Variants in FAM227A observed in about 807,000 individuals in gnomAD.
FAM227A encodes protein FAM227A.
A neutral mutation model predicts 74.7 loss-of-function variants in FAM227A; 80 were observed. The ratio of observed to expected loss-of-function variants is 1.07; its 90% CI spans 0.89 to 1.29. FAM227A has a LOEUF of 1.29. Among genes scored for constraint, FAM227A ranks in the 50% most tolerant of loss-of-function variants. FAM227A has a pLI of 0.00. For missense variants in FAM227A, 654 were observed against 683.4 expected, an observed-to-expected ratio of 0.96 and a Z score of 0.48; for synonymous variants, 237 against 241.8, an observed-to-expected ratio of 0.98 and a Z score of 0.19.
intron 11 of FAM227A, among the ~76,000 whole-genome samples, chr22:38,614,410 C>G (rs762468375): frequency 5.3e-5 from 8 of 152,142 alleles, no homozygotes; most frequent in Non-Finnish European, 8.8e-5. Context: ...TGGTTAGATA[C>G]TTTTGCATTT....
intron 11 of FAM227A, among the ~76,000 whole-genome samples, chr22:38,612,565 G>A (rs1360308921): frequency 6.6e-6 from 1 of 152,068 alleles, no homozygotes; most frequent in Admixed American, 6.6e-5. Flanking sequence ...CCACATATGT[G>A]AAACCCATCC....
At chr22:38,642,510 AATG>A (rs2092138709) in intron 3 of FAM227A, among the ~76,000 whole-genome samples, 8 of 152,216 alleles carry the variant, frequency 5.3e-5, no homozygotes, top group Admixed American at 5.2e-4. Context: ...CCATGAAGGA[AATG>A]ATAAGTTAGA....
At chr22:38,619,168 T>A (rs2091635645) in intron 11 of FAM227A, among the ~76,000 whole-genome samples, 1 of 151,584 alleles carries the variant, frequency 6.6e-6, no homozygotes, top group Non-Finnish European at 1.5e-5. Flanking sequence ...ATAAAAGAAG[T>A]CCCCTGAGGC....
chr22:38,624,101 G>A (rs2091747271), intron 9 of FAM227A, among the ~76,000 whole-genome samples: 1 of 152,134 alleles, frequency 6.6e-6, no homozygotes, highest in South Asian at 2.1e-4. Flanking sequence ...ACCCAGCTTT[G>A]GAGTGGCACA....
chr22:38,654,877 G>A (rs1457772373), intron 1 of FAM227A, among the ~76,000 whole-genome samples: 1 of 151,638 alleles, frequency 6.6e-6, no homozygotes, highest in African/African-American at 2.4e-5. Context: ...GAACCCAGGA[G>A]GCGGAGCTTG....
chr22:38,607,490 G>A lies in FAM227A; in HGVS notation c.1039-14C>T, dbSNP rs5757169. The A allele has an allele frequency of 0.32, 489,110 of 1,505,166 alleles. 80,530 individuals carry two copies. Among genetic ancestry groups the A allele is most frequent in the East Asian group, 0.49 (20,007 of 40,706 alleles). The allele number at this position is 1,505,166 out of a possible 1,614,324, so 93.2% of individuals were successfully genotyped here. On this transcript the variant is annotated splice_polypyrimidine_tract_variant and intron_variant, in intron 11 of 16. Coordinates refer to ENST00000535113, the MANE Select transcript of FAM227A (RefSeq NM_001013647.2). The stretch of plus-strand genomic sequence containing the variant: ...TGCACTAGAAGACTTCAGGAGACAA[G>A]AGAGAGAAAGAGAGGGAGAAAGCGA...
At chr22:38,611,176 T>G (rs1429792790) in intron 11 of FAM227A, among the ~76,000 whole-genome samples, 1 of 152,180 alleles carries the variant, frequency 6.6e-6, no homozygotes, top group Non-Finnish European at 1.5e-5. Context: ...CCAAGACTGT[T>G]CTGAGACCCC....
At position 38,654,579 on chromosome 22, in the gene FAM227A, G is replaced by A. The variant is rs550057653; in HGVS notation, c.-95+1541C>T. On this transcript the variant is annotated intron_variant, in intron 1 of 16. Transcript: ENST00000535113. Reference sequence around the variant, plus strand: ...ACCTGTAATCCCAATACTTTGGGAGGTGGGGATGATGTCACTGCACTCCAG... The same window carrying A: ...ACCTGTAATCCCAATACTTTGGGAGATGGGGATGATGTCACTGCACTCCAG... Among the ~76,000 whole-genome samples the A allele has an allele frequency of 2.6e-5, 4 of 151,526 alleles. No homozygotes were observed. The South Asian group carries it at 6.3e-4, about 24-fold the overall frequency.
In FAM227A at chr22:38,582,880, G is replaced by C. The variant is rs915290742; in HGVS notation, c.*3245C>G. 7 of 1,550,394 alleles carry C rather than the reference G, an allele frequency of 4.5e-6. No homozygotes were observed. Among genetic ancestry groups the C allele is most frequent in the Non-Finnish European group, 6.1e-6 (7 of 1,147,002 alleles). On this transcript the variant is annotated 3_prime_UTR_variant, in exon 17 of 17. Transcript: ENST00000535113. ...TGCCTACCTTGCTCCTGGTATATTA[G>C]GGAAGGCTCCCAAGATGAGGGACGT...
At chr22:38,594,698 C>T (rs1032580413) in intron 15 of FAM227A, among the ~76,000 whole-genome samples, 3 of 152,120 alleles carry the variant, frequency 2.0e-5, no homozygotes, top group Admixed American at 6.5e-5. Context: ...TGCGGTGGCT[C>T]ATGCCTGTAA....
chr22:38,652,864 A>G (rs2092342790), intron 1 of FAM227A, among the ~76,000 whole-genome samples: 1 of 141,844 alleles, frequency 7.1e-6, no homozygotes. Context: ...GTGACAGAGC[A>G]AGACTCCATC....
In FAM227A at chr22:38,586,314, A is replaced by G. The variant is rs1306350280; in HGVS notation, c.1639-115T>C. 6 of 1,195,024 alleles carry G rather than the reference A, an allele frequency of 5.0e-6. No homozygotes were observed. The African/African-American group carries it at 9.2e-5, about 18-fold the overall frequency. The allele number at this position is 1,195,024 out of a possible 1,614,324, so 74.0% of individuals were successfully genotyped here. A position where few individuals can be genotyped will look rare whatever the true frequency, so the allele number is the denominator to read the frequency against. ...GTGGTGATCCTTGTGTGCATGGAAT[A>G]TTGAGGGCGTGCTCCTGCCTCCAGA... is the stretch of plus-strand genomic sequence containing the variant. On this transcript the variant is annotated intron_variant, in intron 16 of 16. Coordinates refer to ENST00000535113, the MANE Select transcript of FAM227A (RefSeq NM_001013647.2).
At chr22:38,588,804 T>C (rs1602835854) in intron 16 of FAM227A, among the ~76,000 whole-genome samples, 1 of 148,010 alleles carries the variant, frequency 6.8e-6, no homozygotes, top group East Asian at 2.0e-4. Flanking sequence ...AGCAGGTGCC[T>C]GTAGTCCCAG....
rs375383786 is a variant in FAM227A at position 38,622,402 on chromosome 22, G to C, written c.958+770C>G. On this transcript the variant is annotated intron_variant, in intron 10 of 16. Coordinates refer to ENST00000535113, the MANE Select transcript of FAM227A (RefSeq NM_001013647.2). The stretch of plus-strand genomic sequence containing the variant: ...CCTTGGCCCTGCAACAGAGGGACTG[G>C]GCTTGCCTCCACCACCATGTTCCCA... Among the ~76,000 whole-genome samples, 12 of 152,298 alleles carry C rather than the reference G, an allele frequency of 7.9e-5. 1 individual carries two copies. Among genetic ancestry groups the C allele is most frequent in the African/African-American group, 2.9e-4 (12 of 41,568 alleles).
chr22:38,582,973 A>G lies in FAM227A; in HGVS notation c.*3152T>C, dbSNP rs2090732609. 1 of 1,549,454 alleles carries G rather than the reference A, an allele frequency of 6.5e-7. No individual in the cohort carries two copies. Among genetic ancestry groups the G allele is most frequent in the Non-Finnish European group, 8.7e-7 (1 of 1,146,378 alleles). On this transcript the variant is annotated 3_prime_UTR_variant, in exon 17 of 17. Coordinates refer to ENST00000535113, the MANE Select transcript of FAM227A (RefSeq NM_001013647.2). ...GCAGTTAACAAAGAGGAGGGAGGAG[A>G]AGGCATTTTCAGGTCCAGAAGCAGC...
chr22:38,589,309 T>A (rs1293088533), intron 16 of FAM227A, among the ~76,000 whole-genome samples: 1 of 152,110 alleles, frequency 6.6e-6, no homozygotes, highest in African/African-American at 2.4e-5. Context: ...ACCTTGACTT[T>A]GGACTTCGGC....
chr22:38,596,989 C>T (rs765206124), intron 15 of FAM227A, among the ~76,000 whole-genome samples: 13 of 151,638 alleles, frequency 8.6e-5, no homozygotes, highest in Admixed American at 3.3e-4. Flanking sequence ...TCATTGAACA[C>T]ATAATGTTTT....
Position 38,650,051 on chromosome 22 carries a change from T to C in FAM227A, c.118A>G (p.Lys40Glu), listed in dbSNP as rs1407130925. The change falls in exon 2 of 17, where the codon AAG becomes GAG. Residue 40 changes from lysine (K) to glutamate (E), a missense_variant. Physicochemically the swap from Lys to Glu is moderately conservative, Grantham distance 56. Transcript: ENST00000535113. ...CAGGGTGGATTGTTCTCTAACTCCT[T>C]CCTCACAGTCTTCACCATTGTATTC... ...ARNTMVKTVR[K>E]ELENNPPSCL... 1 of 1,552,220 alleles carries C rather than the reference T, an allele frequency of 6.4e-7. No homozygotes were observed. Among genetic ancestry groups the C allele is most frequent in the East Asian group, 2.4e-5 (1 of 40,914 alleles).
At chr22:38,600,025 T>C (rs2091138323) in intron 13 of FAM227A, 104 bp from the exon 14 acceptor site, 1 of 1,132,484 alleles carries the variant, frequency 8.8e-7, no homozygotes, top group African/African-American at 1.6e-5. Context: ...GATCCAGTAA[T>C]TCCAGTTTTA....
Sources: gnomAD v4.1 joint callset for allele counts (sites outside exome capture counted in the v4.1 genomes callset) on GRCh38, gnomAD v4.1.1 for gene constraint, MANE v1.5 for transcripts, NCBI Gene and HGNC (gene_info 2026-07-23, HGNC 2026-07-21) for gene names.